The following PDZRN4 variants were observed in gnomAD, a reference collection of about 807,000 sequenced individuals.
PDZRN4 encodes the protein PDZ domain containing ring finger 4.
PDZRN4 carries 70 observed loss-of-function variants against 99.0 expected under a neutral mutation model. That is an observed-to-expected ratio of 0.71 (90% CI 0.58 to 0.86). The LOEUF is 0.86. PDZRN4 is among the 40% of genes least tolerant of loss of function. The pLI is 0.00. For missense variants in PDZRN4, 1,474 were observed against 1,331.2 expected, an observed-to-expected ratio of 1.11 and a Z score of -1.67; for synonymous variants, 551 against 501.6, an observed-to-expected ratio of 1.10 and a Z score of -1.32.
At position 41,457,055 on chromosome 12, in the gene PDZRN4, G is replaced by A. The variant is rs929095061; in HGVS notation, c.844-49401G>A. On this transcript the variant is annotated intron_variant, in intron 3 of 9. Coordinates refer to ENST00000402685, the MANE Select transcript of PDZRN4 (RefSeq NM_001164595.2). ...GCCTTTATCTGTGCTAAATCCTTTA[G>A]CATCTAATTATACTATAGATTTTCT... 1.2e-4 allele frequency among the ~76,000 whole-genome samples: 19 copies of A among 152,112 alleles called. No homozygotes were observed. The East Asian group carries it at 3.7e-3, about 29-fold the overall frequency.
chr12:41,285,897 T>C (rs955807476), intron 3 of PDZRN4, among the ~76,000 whole-genome samples: 7 of 151,960 alleles, frequency 4.6e-5, no homozygotes, highest in African/African-American at 1.7e-4. Context: ...AAAAACTTAA[T>C]GTAGATGACG....
intron 3 of PDZRN4, among the ~76,000 whole-genome samples, chr12:41,227,799 A>G (rs768535679): frequency 6.6e-6 from 1 of 151,882 alleles, no homozygotes; most frequent in Non-Finnish European, 1.5e-5. Flanking sequence ...GTGAAGTGTG[A>G]TAATGAAACA....
In PDZRN4 at chr12:41,362,399, T is replaced by TA. The variant is rs978278818; in HGVS notation, c.844-144051dup. Among the ~76,000 whole-genome samples the TA allele has an allele frequency of 2.9e-4, 44 of 151,698 alleles. 1 individual carries two copies. Among genetic ancestry groups the TA allele is most frequent in the African/African-American group, 1.0e-3 (42 of 41,448 alleles). Reference sequence around the variant, plus strand: ...GCTTCTGATTAAAAATAATAATTTTTAAAAAACTCTTCAAATATAAGAACC... The same window carrying TA: ...GCTTCTGATTAAAAATAATAATTTTTAAAAAAACTCTTCAAATATAAGAACC... On this transcript the variant is annotated intron_variant, in intron 3 of 9. Transcript: ENST00000402685.
intron 3 of PDZRN4, among the ~76,000 whole-genome samples, chr12:41,452,265 T>TA (rs1178651305): frequency 8.2e-6 from 1 of 122,020 alleles, no homozygotes; most frequent in African/African-American, 3.5e-5. Context: ...CTGTCTCTAC[T>TA]AAAAAATACA....
At chr12:41,566,457 G>C (rs936637447) in intron 8 of PDZRN4, among the ~76,000 whole-genome samples, 3 of 151,986 alleles carry the variant, frequency 2.0e-5, no homozygotes, top group Non-Finnish European at 2.9e-5. Context: ...TTTTTACTTG[G>C]CATAATTTTC....
chr12:41,200,998 C>G (rs1023795602), intron 3 of PDZRN4, among the ~76,000 whole-genome samples: 2 of 152,014 alleles, frequency 1.3e-5, no homozygotes, highest in African/African-American at 4.8e-5. Flanking sequence ...TTTCTTCCAG[C>G]CTCTGCTATC....
At chr12:41,488,196 A>G (rs138083910) in intron 3 of PDZRN4, among the ~76,000 whole-genome samples, 14 of 152,324 alleles carry the variant, frequency 9.2e-5, no homozygotes, top group African/African-American at 3.4e-4. Flanking sequence ...CTAAATCCTG[A>G]CCCAAGTCAG....
chr12:41,319,908 C>A (rs1430078920), intron 3 of PDZRN4, among the ~76,000 whole-genome samples: 1 of 152,230 alleles, frequency 6.6e-6, no homozygotes, highest in Non-Finnish European at 1.5e-5. Context: ...CCCTTTTCTG[C>A]AACAAGAGCC....
intron 3 of PDZRN4, among the ~76,000 whole-genome samples, chr12:41,345,978 T>G (rs931390696): frequency 6.6e-6 from 1 of 152,224 alleles, no homozygotes; most frequent in Middle Eastern, 3.4e-3. Flanking sequence ...AACTAGTATT[T>G]TTAGTGTTTA....
chr12:41,390,718 T>C (rs1371678865), intron 3 of PDZRN4, among the ~76,000 whole-genome samples: 1 of 152,114 alleles, frequency 6.6e-6, no homozygotes. Context: ...GTAAGAATAA[T>C]GTAACAGTGG....
chr12:41,275,372 C>T (rs1482852537), intron 3 of PDZRN4, among the ~76,000 whole-genome samples: 1 of 152,110 alleles, frequency 6.6e-6, no homozygotes, highest in Non-Finnish European at 1.5e-5. Context: ...TGAACTAACC[C>T]ACTAGAATGT....
At chr12:41,491,020 A>G (rs1379085683) in intron 3 of PDZRN4, among the ~76,000 whole-genome samples, 1 of 152,128 alleles carries the variant, frequency 6.6e-6, no homozygotes, top group Non-Finnish European at 1.5e-5. Flanking sequence ...CATGAGCACT[A>G]CCAGGCTCTC....
At chr12:41,481,116 C>T (rs1188723585) in intron 3 of PDZRN4, among the ~76,000 whole-genome samples, 1 of 152,058 alleles carries the variant, frequency 6.6e-6, no homozygotes, top group Non-Finnish European at 1.5e-5. Flanking sequence ...CTCACCATTT[C>T]CCATAATGCC....
chr12:41,445,595 T>A (rs988300227), intron 3 of PDZRN4, among the ~76,000 whole-genome samples: 1 of 152,076 alleles, frequency 6.6e-6, no homozygotes, highest in African/African-American at 2.4e-5. Context: ...GACCCAAGAA[T>A]TAAATCACTA....
intron 3 of PDZRN4, among the ~76,000 whole-genome samples, chr12:41,328,614 G>A (rs1393581870): frequency 6.6e-6 from 1 of 152,140 alleles, no homozygotes; most frequent in Non-Finnish European, 1.5e-5. Flanking sequence ...TTAAAAATCT[G>A]TTTATATCTG....
chr12:41,263,384 C>G (rs768369564), intron 3 of PDZRN4, among the ~76,000 whole-genome samples: 3 of 151,976 alleles, frequency 2.0e-5, no homozygotes, highest in Non-Finnish European at 2.9e-5. Context: ...GAAACCCCGC[C>G]TCTACTAAAA....
At chr12:41,382,746 A>G (rs1385020370) in intron 3 of PDZRN4, among the ~76,000 whole-genome samples, 1 of 152,194 alleles carries the variant, frequency 6.6e-6, no homozygotes, top group Non-Finnish European at 1.5e-5. Context: ...TTTTTCATTC[A>G]TGTAATGTGT....
chr12:41,568,991 G>A (rs1217829252), intron 9 of PDZRN4, among the ~76,000 whole-genome samples: 1 of 151,040 alleles, frequency 6.6e-6, no homozygotes, highest in Non-Finnish European at 1.5e-5. Flanking sequence ...TTTTAATAGA[G>A]ACAGGGTTTC....
At chr12:41,317,768 T>C (rs1372651794) in intron 3 of PDZRN4, among the ~76,000 whole-genome samples, 1 of 152,180 alleles carries the variant, frequency 6.6e-6, no homozygotes, top group Non-Finnish European at 1.5e-5. Context: ...GACTCCGGGC[T>C]CCACCTTCTC....
Sources: allele counts gnomAD v4.1 joint callset (sites outside exome capture counted in the v4.1 genomes callset), GRCh38; gene constraint gnomAD v4.1.1; transcripts MANE v1.5; gene names NCBI Gene and HGNC (gene_info 2026-07-23, HGNC 2026-07-21).